Variants in NDRG3 observed in about 807,000 individuals in gnomAD.
NDRG3 encodes NDRG family member 3, also known as protein NDRG3.
A neutral mutation model predicts 57.2 loss-of-function variants in NDRG3; 23 were observed. The ratio of observed to expected loss-of-function variants is 0.40; its 90% CI spans 0.29 to 0.57. NDRG3 has a LOEUF of 0.57. Among genes scored for constraint, NDRG3 ranks in the 20% least tolerant of loss-of-function variants. The pLI is 0.42. For synonymous variants in NDRG3, 132 were observed against 162.6 expected (o/e 0.81, Z 1.43); for missense variants, 384 against 457.3 (o/e 0.84, Z 1.46).
In NDRG3 at chr20:36,653,393, T is replaced by C. The variant is rs1978373024; in HGVS notation, c.*127A>G. The C allele has an allele frequency of 1.5e-5, 12 of 793,798 alleles. No individual in the cohort carries two copies. Among genetic ancestry groups the C allele is most frequent in the East Asian group, 5.4e-5 (2 of 36,872 alleles). 49.2% of individuals were successfully genotyped at this position (793,798 alleles called of 1,614,324 possible). A position where few individuals can be genotyped will look rare whatever the true frequency, so the allele number is the denominator to read the frequency against. On this transcript the variant is annotated 3_prime_UTR_variant, in exon 16 of 16. Transcript: ENST00000349004. This position sits in a 1 kb window ranked among gnomAD's most constrained non-coding sequence, Gnocchi z 4.2. ...AGAGAGAATGATAAATCCAGGCTAC[T>C]AGAGAGAGGTTCAGTGGCCATGCAT...
chr20:36,684,504 T>C (rs1394834861), intron 5 of NDRG3, 29 bp from the exon 6 acceptor site: 1 of 1,590,364 alleles, frequency 6.3e-7, no homozygotes, highest in Admixed American at 1.7e-5. Flanking sequence ...TCTCCTGAAT[T>C]AGAAAGCACT....
At chr20:36,734,153 G>A (rs1024395503) in intron 1 of NDRG3, among the ~76,000 whole-genome samples, 1 of 152,002 alleles carries the variant, frequency 6.6e-6, no homozygotes, top group Non-Finnish European at 1.5e-5. Flanking sequence ...TTTGCAGTGA[G>A]CTGAGATCGT....
chr20:36,676,513 A>G (rs138905158), intron 8 of NDRG3, among the ~76,000 whole-genome samples: 209 of 152,236 alleles, frequency 1.4e-3, no homozygotes, highest in Non-Finnish European at 2.5e-3. Flanking sequence ...CCCAAGCTGG[A>G]GTGCAATGGC....
chr20:36,725,669 C>A (rs1218945227), intron 1 of NDRG3, among the ~76,000 whole-genome samples: 2 of 151,242 alleles, frequency 1.3e-5, no homozygotes, highest in South Asian at 2.1e-4. Flanking sequence ...ATAATTTACT[C>A]ATTGTCCTTC....
intron 1 of NDRG3, among the ~76,000 whole-genome samples, chr20:36,725,265 C>T (rs960288232): frequency 6.6e-6 from 1 of 151,366 alleles, no homozygotes; most frequent in Non-Finnish European, 1.5e-5. Flanking sequence ...CCACCGCACT[C>T]CAGCCTGGGC....
chr20:36,678,795 AAAC>A (rs1162003590), intron 8 of NDRG3, among the ~76,000 whole-genome samples: 4 of 152,262 alleles, frequency 2.6e-5, no homozygotes, highest in East Asian at 1.9e-4. Flanking sequence ...GAAAACATAA[AAAC>A]AAACTAATAT....
At chr20:36,738,589 G>A (rs1246771483) in intron 1 of NDRG3, among the ~76,000 whole-genome samples, 1 of 151,730 alleles carries the variant, frequency 6.6e-6, no homozygotes, top group South Asian at 2.1e-4. Flanking sequence ...TTGGGAGGCC[G>A]GGGTGGGCGG....
rs1981928904 is a variant in NDRG3, at chr20:36,687,942, A to G, written c.200-330T>C. On this transcript the variant is annotated intron_variant, in intron 4 of 15. Coordinates refer to ENST00000349004, the MANE Select transcript of NDRG3 (RefSeq NM_032013.4). ...CATTTCTCATGGACATTATTCCTCTATCTCACAAACAGACACTGATTATAC... is the reference window on the plus strand; with the variant it reads ...CATTTCTCATGGACATTATTCCTCTGTCTCACAAACAGACACTGATTATAC... Among the ~76,000 whole-genome samples, 3 of 152,218 alleles carry G rather than the reference A, an allele frequency of 2.0e-5. 1 individual carries two copies. The South Asian group carries it at 6.2e-4, about 31-fold the overall frequency.
At chr20:36,656,214 G>C in intron 15 of NDRG3, 146 bp downstream of exon 15, 2 of 591,294 alleles carry the variant, frequency 3.4e-6, no homozygotes, top group South Asian at 4.3e-5. Flanking sequence ...ACGGACAAAT[G>C]AATGTTCCAT....
intron 1 of NDRG3, among the ~76,000 whole-genome samples, chr20:36,733,171 AATATATATATATATAT>A (rs1555807708): frequency 8.1e-4 from 27 of 33,230 alleles, no homozygotes; most frequent in South Asian, 1.2e-3. Context: ...AAAAAAAAAA[AATATATATATATATAT>A]ATATATATAT....
chr20:36,692,325 G>A (rs914165382), intron 3 of NDRG3, among the ~76,000 whole-genome samples: 1 of 152,146 alleles, frequency 6.6e-6, no homozygotes, highest in Non-Finnish European at 1.5e-5. Context: ...CCAGGTTCAA[G>A]CAATTCTCCT....
chr20:36,706,940 C>T (rs561942369), intron 3 of NDRG3, 32 bp downstream of exon 3: 1 of 1,604,696 alleles, frequency 6.2e-7, no homozygotes, highest in South Asian at 1.1e-5. Context: ...AGATCCTGTA[C>T]AGAGCCTCCT....
chr20:36,722,490 T>G (rs1248119728), intron 1 of NDRG3, among the ~76,000 whole-genome samples: 3 of 152,224 alleles, frequency 2.0e-5, no homozygotes, highest in Non-Finnish European at 4.4e-5. Flanking sequence ...TTTGCTCTCA[T>G]GGAGCACACG....
At chr20:36,687,024 A>G (rs1981845463) in intron 5 of NDRG3, among the ~76,000 whole-genome samples, 1 of 151,964 alleles carries the variant, frequency 6.6e-6, no homozygotes, top group South Asian at 2.1e-4. Context: ...CTGGCTGGCT[A>G]ATTTTTCAAT....
At chr20:36,716,194 A>C (rs182423531) in intron 2 of NDRG3, among the ~76,000 whole-genome samples, 1 of 152,026 alleles carries the variant, frequency 6.6e-6, no homozygotes, top group Admixed American at 6.6e-5. Flanking sequence ...CTCTGCTTAC[A>C]TGTTGTGATT....
At chr20:36,678,862 A>C (rs1280591604) in intron 8 of NDRG3, among the ~76,000 whole-genome samples, 1 of 152,226 alleles carries the variant, frequency 6.6e-6, no homozygotes, top group Non-Finnish European at 1.5e-5. Flanking sequence ...ATAATATCAA[A>C]TGTTGGTGAT....
chr20:36,724,006 C>T (rs533796915), intron 1 of NDRG3, among the ~76,000 whole-genome samples: 1 of 152,244 alleles, frequency 6.6e-6, no homozygotes, highest in East Asian at 1.9e-4. Flanking sequence ...TGCGCCCGGC[C>T]TAGTGTACTA....
At chr20:36,655,203 C>A (rs1445069074) in intron 15 of NDRG3, among the ~76,000 whole-genome samples, 1 of 151,534 alleles carries the variant, frequency 6.6e-6, no homozygotes, top group Admixed American at 6.6e-5. Context: ...TAGCGGCTCA[C>A]AGGCAAGGAT....
In NDRG3 at chr20:36,680,827, C is replaced by T; in HGVS notation, c.520G>A (p.Ala174Thr). The change falls in exon 8 of 16, where the codon GCA becomes ACA. Residue 174 changes from alanine to threonine, a missense_variant. By Grantham distance (58) the Ala-to-Thr change is moderately conservative. Transcript: ENST00000349004. ...CATGTGGTACTTACTTTGGAAGCTG[C>T]CCAGTCAATCCAGCCTTTAGCGCAA... Reference protein sequence around the residue: ...DPCAKGWIDWAASKLSGLTTN... With the variant: ...DPCAKGWIDWTASKLSGLTTN... 6.2e-7 allele frequency: 1 copy of T among 1,613,794 alleles called. No individual in the cohort carries two copies. Among genetic ancestry groups the T allele is most frequent in the Non-Finnish European group, 8.5e-7 (1 of 1,179,734 alleles).
Sources: allele counts gnomAD v4.1 joint callset (sites outside exome capture counted in the v4.1 genomes callset), GRCh38; gene constraint gnomAD v4.1.1; non-coding constraint Gnocchi (gnomAD v3.1); transcripts MANE v1.5; gene names NCBI Gene and HGNC (gene_info 2026-07-23, HGNC 2026-07-21).